The following LRBA variants were observed in gnomAD, a reference collection of about 807,000 sequenced individuals.
LRBA encodes the protein LPS responsive beige-like anchor protein.
LRBA carries 176 observed loss-of-function variants against 330.0 expected under a neutral mutation model. The observed-to-expected ratio is 0.53, with a 90% confidence interval of 0.47 to 0.60. The LOEUF (loss-of-function observed/expected upper bound fraction) is 0.60, where lower values mean the gene tolerates loss of function less well. LRBA is among the 20% of genes least tolerant of loss of function. LRBA has a pLI of 0.00. For missense variants in LRBA, 3,259 were observed against 3,444.8 expected (o/e 0.95, Z 1.35); for synonymous variants, 1,230 against 1,193.0 (o/e 1.03, Z -0.64).
At chr4:150,324,199 T>C (rs1438493538) in intron 49 of LRBA, among the ~76,000 whole-genome samples, 1 of 152,158 alleles carries the variant, frequency 6.6e-6, no homozygotes, top group African/African-American at 2.4e-5. Context: ...GGCTGGGCAG[T>C]GACCCCAGCA....
At chr4:150,503,757 G>A (rs1760637586) in intron 40 of LRBA, among the ~76,000 whole-genome samples, 1 of 152,186 alleles carries the variant, frequency 6.6e-6, no homozygotes, top group Non-Finnish European at 1.5e-5. Context: ...ACTTTGACGA[G>A]TTGAGAGAAG....
At chr4:150,691,702 T>C (rs1174466605) in intron 36 of LRBA, among the ~76,000 whole-genome samples, 1 of 152,210 alleles carries the variant, frequency 6.6e-6, no homozygotes, top group Non-Finnish European at 1.5e-5. Context: ...TCCTAGGTAT[T>C]TCCTCAAAAG....
In LRBA at chr4:150,905,833, A is replaced by G. The variant is rs2127154660; in HGVS notation, c.1755+5T>C. The G allele has an allele frequency of 1.2e-6, 2 of 1,609,942 alleles. No homozygotes were observed. The highest frequency in any genetic ancestry group is 8.5e-7 in the Non-Finnish European group (1 of 1,177,016). On this transcript the variant is annotated splice_donor_5th_base_variant and intron_variant, in intron 13 of 56. Transcript: ENST00000651943. ...AAACAATATCAATATATAGATATAT[A>G]TTACCTTGGCTGGGGTATGAATCCA...
intron 44 of LRBA, among the ~76,000 whole-genome samples, chr4:150,452,080 C>T (rs548151944): frequency 2.0e-5 from 3 of 152,106 alleles, no homozygotes; most frequent in East Asian, 3.9e-4. Flanking sequence ...CATTTTGTCA[C>T]GTAAGCATTA....
At chr4:150,298,325 G>C (rs903110124) in intron 53 of LRBA, among the ~76,000 whole-genome samples, 4 of 151,966 alleles carry the variant, frequency 2.6e-5, no homozygotes, top group African/African-American at 7.2e-5. Flanking sequence ...TAGTCTATGT[G>C]TATCAGTAGT....
intron 37 of LRBA, among the ~76,000 whole-genome samples, chr4:150,615,116 T>A (rs1775644460): frequency 6.6e-6 from 1 of 152,232 alleles, no homozygotes; most frequent in Admixed American, 6.5e-5. Context: ...GGGAAAACAG[T>A]AATGCAAAGG....
intron 54 of LRBA, among the ~76,000 whole-genome samples, chr4:150,284,464 G>A (rs1455983852): frequency 8.5e-5 from 13 of 152,170 alleles, no homozygotes; most frequent in Admixed American, 7.9e-4. Context: ...AAATTACAGT[G>A]TATTAAGTAC....
intron 47 of LRBA, among the ~76,000 whole-genome samples, chr4:150,365,284 G>A (rs995782758): frequency 6.6e-6 from 1 of 152,058 alleles, no homozygotes; most frequent in South Asian, 2.1e-4. Flanking sequence ...TGGGATTACA[G>A]GAGTGAGCAA....
At chr4:150,350,989 A>G (rs1737070858) in intron 47 of LRBA, among the ~76,000 whole-genome samples, 1 of 152,188 alleles carries the variant, frequency 6.6e-6, no homozygotes, top group Non-Finnish European at 1.5e-5. Context: ...TGTGGGGGAT[A>G]CCTATAATTA....
At chr4:150,867,427 T>C (rs1036502979) in intron 22 of LRBA, among the ~76,000 whole-genome samples, 12 of 152,226 alleles carry the variant, frequency 7.9e-5, no homozygotes, top group African/African-American at 2.7e-4. Context: ...GCTGTGGCAA[T>C]AGATTTACCA....
At chr4:150,910,824 T>G (rs1336984610) in intron 9 of LRBA, among the ~76,000 whole-genome samples, 1 of 152,176 alleles carries the variant, frequency 6.6e-6, no homozygotes, top group Non-Finnish European at 1.5e-5. Flanking sequence ...TCTCTTAAAT[T>G]TTGTCAGCAA....
chr4:150,380,636 G>C (rs1384779771), intron 47 of LRBA, among the ~76,000 whole-genome samples: 1 of 151,968 alleles, frequency 6.6e-6, no homozygotes, highest in Non-Finnish European at 1.5e-5. Context: ...AGGAAAAGAA[G>C]ATGTCTACTT....
chr4:150,674,004 A>G (rs1782307998), intron 37 of LRBA, among the ~76,000 whole-genome samples: 1 of 152,174 alleles, frequency 6.6e-6, no homozygotes, highest in Non-Finnish European at 1.5e-5. Flanking sequence ...ATTGGAACCT[A>G]TCTCCTTAAT....
intron 47 of LRBA, among the ~76,000 whole-genome samples, chr4:150,411,260 T>C (rs1249929156): frequency 6.6e-6 from 1 of 152,176 alleles, no homozygotes. Context: ...AATCCTACAT[T>C]TAGATCTTCA....
intron 53 of LRBA, among the ~76,000 whole-genome samples, chr4:150,299,716 T>A (rs1008056348): frequency 1.3e-5 from 2 of 151,896 alleles, no homozygotes; most frequent in Non-Finnish European, 2.9e-5. Flanking sequence ...CCATGATTTT[T>A]TAAATAAAAA....
intron 36 of LRBA, among the ~76,000 whole-genome samples, chr4:150,696,621 T>C (rs1279899339): frequency 6.6e-6 from 1 of 152,044 alleles, no homozygotes; most frequent in African/African-American, 2.4e-5. Context: ...GTAAAATAAA[T>C]ACAATATGAG....
At chr4:150,275,633 A>T (rs1746656598) in intron 56 of LRBA, among the ~76,000 whole-genome samples, 3 of 152,204 alleles carry the variant, frequency 2.0e-5, no homozygotes, top group African/African-American at 7.2e-5. Flanking sequence ...CCTATACACC[A>T]ATAACAGACA....
At chr4:150,533,787 T>C (rs558420449) in intron 40 of LRBA, among the ~76,000 whole-genome samples, 20 of 152,268 alleles carry the variant, frequency 1.3e-4, no homozygotes, top group African/African-American at 4.8e-4. Flanking sequence ...CATTAGCTAA[T>C]GAGTATTAAT....
At chr4:150,371,181 A>ATTTTT (rs1274384749) in intron 47 of LRBA, among the ~76,000 whole-genome samples, 8 of 136,816 alleles carry the variant, frequency 5.8e-5, no homozygotes, top group African/African-American at 2.2e-4. Flanking sequence ...CAAGCTACTA[A>ATTTTT]ATTTTTTTTT....
Sources: allele counts gnomAD v4.1 joint callset (sites outside exome capture counted in the v4.1 genomes callset), GRCh38; gene constraint gnomAD v4.1.1; transcripts MANE v1.5; gene names NCBI Gene and HGNC (gene_info 2026-07-23, HGNC 2026-07-21).